PCDH9: variants seen among roughly 807,000 people sequenced by gnomAD.
The protein encoded by PCDH9 is protocadherin-9.
In PCDH9, 24 loss-of-function variants were observed where a neutral mutation model predicts 70.6. That is an observed-to-expected ratio of 0.34 (90% CI 0.25 to 0.48). PCDH9 has a LOEUF of 0.48. Among genes scored for constraint, PCDH9 ranks in the 20% least tolerant of loss-of-function variants. The pLI is 0.99. For synonymous variants in PCDH9, 562 were observed against 558.5 expected (o/e 1.01, Z -0.09); for missense variants, 1,281 against 1,503.6 (o/e 0.85, Z 2.45).
At chr13:66,378,005 CT>C (rs911862525) in intron 4 of PCDH9, among the ~76,000 whole-genome samples, 1 of 152,134 alleles carries the variant, frequency 6.6e-6, no homozygotes, top group African/African-American at 2.4e-5. Context: ...ATGTATCATT[CT>C]GTTAATTGGT....
At chr13:67,009,704 A>G (rs2084417570) in intron 2 of PCDH9, among the ~76,000 whole-genome samples, 2 of 151,990 alleles carry the variant, frequency 1.3e-5, no homozygotes, top group South Asian at 4.1e-4. Flanking sequence ...TATTTACTAA[A>G]CGGATCTAAC....
chr13:66,407,158 C>T (rs187103680), intron 4 of PCDH9, among the ~76,000 whole-genome samples: 1 of 152,208 alleles, frequency 6.6e-6, no homozygotes, highest in Admixed American at 6.5e-5. Context: ...CATTTCTCCT[C>T]GGAGATGGGA....
chr13:67,216,683 C>CAAATATATATATATATATATAT (rs2089609490), intron 2 of PCDH9: 1 of 90,710 alleles, frequency 1.1e-5, no homozygotes, highest in Non-Finnish European at 2.3e-5. Context: ...TCTTAAGCAA[C>CAAATATATATATATATATATAT]ATATATATAT....
intron 3 of PCDH9, among the ~76,000 whole-genome samples, chr13:66,683,721 A>C (rs962028492): frequency 1.3e-5 from 2 of 152,178 alleles, no homozygotes. Context: ...AGGTTTTAAA[A>C]TTGTATGCAT....
intron 2 of PCDH9, chr13:67,211,358 A>C (rs932864183): frequency 6.6e-5 from 10 of 152,054 alleles, no homozygotes; most frequent in Admixed American, 1.3e-4. Flanking sequence ...TTATCACAGA[A>C]GTCTAATTGC....
intron 4 of PCDH9, among the ~76,000 whole-genome samples, chr13:66,421,620 T>G (rs1217002444): frequency 6.6e-6 from 1 of 152,114 alleles, no homozygotes; most frequent in African/African-American, 2.4e-5. Flanking sequence ...GCTGAGGGAT[T>G]TTGTTACCAC....
intron 4 of PCDH9, among the ~76,000 whole-genome samples, chr13:66,333,993 G>T (rs747053233): frequency 1.3e-5 from 2 of 152,066 alleles, no homozygotes; most frequent in Non-Finnish European, 2.9e-5. Flanking sequence ...GATCAAATCT[G>T]GGTAATTAAG....
In PCDH9 at chr13:66,568,817, G is replaced by A. The variant is rs539857378; in HGVS notation, c.3340+62393C>T. Among the ~76,000 whole-genome samples the A allele has an allele frequency of 3.3e-5, 5 of 151,640 alleles. No individual in the cohort carries two copies. The East Asian group carries it at 9.7e-4, about 29-fold the overall frequency. On this transcript the variant is annotated intron_variant, in intron 4 of 4. Transcript: ENST00000377865. ...TCTTGAACAACATTCAAAGAAAAAA[G>A]AGATATAATTTGGGAATGAGAAGGT... is the stretch of plus-strand genomic sequence containing the variant.
intron 3 of PCDH9, among the ~76,000 whole-genome samples, chr13:66,815,832 G>C (rs1019084288): frequency 2.0e-5 from 3 of 152,002 alleles, no homozygotes; most frequent in African/African-American, 7.2e-5. Context: ...TTATGTGGGT[G>C]GTGAAATAAT....
At chr13:66,674,677 C>T (rs1422981549) in intron 3 of PCDH9, among the ~76,000 whole-genome samples, 1 of 152,040 alleles carries the variant, frequency 6.6e-6, no homozygotes. Context: ...TTCTTATCTA[C>T]TCTATGGCAA....
intron 3 of PCDH9, among the ~76,000 whole-genome samples, chr13:66,642,882 C>T (rs1040426566): frequency 1.3e-5 from 2 of 151,848 alleles, no homozygotes; most frequent in Non-Finnish European, 2.9e-5. Flanking sequence ...TATTTAAATG[C>T]ATAATTTCTG....
chr13:66,536,234 T>TTAC (rs1209567776), intron 4 of PCDH9, among the ~76,000 whole-genome samples: 1 of 152,066 alleles, frequency 6.6e-6, no homozygotes, highest in Non-Finnish European at 1.5e-5. Context: ...ATTTAAGGTC[T>TTAC]TACACCTCAG....
intron 4 of PCDH9, among the ~76,000 whole-genome samples, chr13:66,500,466 G>C (rs1959171209): frequency 6.6e-6 from 1 of 151,886 alleles, no homozygotes; most frequent in Non-Finnish European, 1.5e-5. Flanking sequence ...TGTAAGACCG[G>C]ATAAGTAAAT....
intron 4 of PCDH9, among the ~76,000 whole-genome samples, chr13:66,309,166 C>T (rs1955520865): frequency 6.6e-6 from 1 of 151,656 alleles, no homozygotes; most frequent in Admixed American, 6.6e-5. Flanking sequence ...CTATGTAATT[C>T]CCAGTAATTG....
chr13:67,203,351 T>TA (rs1248536842), intron 2 of PCDH9: 6 of 152,176 alleles, frequency 3.9e-5, no homozygotes, highest in South Asian at 4.1e-4. Context: ...GTCCTGTATA[T>TA]AAAAAAACTC....
At chr13:66,724,478 C>T (rs945117329) in intron 3 of PCDH9, among the ~76,000 whole-genome samples, 2 of 152,194 alleles carry the variant, frequency 1.3e-5, no homozygotes, top group African/African-American at 4.8e-5. Flanking sequence ...ACTCCCATGA[C>T]TATCTTATCT....
At chr13:67,038,938 CTA>C (rs1236139416) in intron 2 of PCDH9, among the ~76,000 whole-genome samples, 2 of 152,174 alleles carry the variant, frequency 1.3e-5, no homozygotes, top group African/African-American at 4.8e-5. Flanking sequence ...GCCAAAAAGA[CTA>C]AACCTTGATT....
chr13:67,014,693 G>T (rs1373754181), intron 2 of PCDH9, among the ~76,000 whole-genome samples: 4 of 151,952 alleles, frequency 2.6e-5, no homozygotes, highest in African/African-American at 9.7e-5. Context: ...ACAGTTTCTT[G>T]GGAAGAAGTG....
intron 3 of PCDH9, among the ~76,000 whole-genome samples, chr13:66,811,370 G>C (rs186620252): frequency 2.6e-5 from 4 of 152,272 alleles, no homozygotes; most frequent in Admixed American, 2.6e-4. Flanking sequence ...ACCTTCCTGT[G>C]CACCAGGTAT....
Sources: allele counts gnomAD v4.1 joint callset (sites outside exome capture counted in the v4.1 genomes callset), GRCh38; gene constraint gnomAD v4.1.1; transcripts MANE v1.5; gene names NCBI Gene and HGNC (gene_info 2026-07-23, HGNC 2026-07-21).